RPN1: variants seen among roughly 807,000 people sequenced by gnomAD.
RPN1 encodes dolichyl-diphosphooligosaccharide--protein glycosyltransferase subunit 1.
A neutral mutation model predicts 55.5 loss-of-function variants in RPN1; 12 were observed. That is an observed-to-expected ratio of 0.22 (90% CI 0.14 to 0.35). The LOEUF is 0.35. RPN1 is among the 10% of genes least tolerant of loss of function. The probability of loss-of-function intolerance (pLI) is 1.00; values close to 1 mark genes in which losing one functional copy is unlikely to be tolerated. For missense variants in RPN1, 679 were observed against 761.3 expected (o/e 0.89, Z 1.27); for synonymous variants, 317 against 305.9 (o/e 1.04, Z -0.38).
rs554298612 is a variant in RPN1, at chr3:128,620,010, C to G, written c.*401G>C. On this transcript the variant is annotated 3_prime_UTR_variant, in exon 10 of 10. Coordinates refer to ENST00000296255, the MANE Select transcript of RPN1 (RefSeq NM_002950.4). ...TGCTTTATTTCCATTTGTTCACACA[C>G]GCTTTAAAAAAAAAAAAAAAAACAC... is the stretch of plus-strand genomic sequence containing the variant. 8 of 208,324 alleles carry G rather than the reference C, an allele frequency of 3.8e-5. No homozygotes were observed. The highest frequency in any genetic ancestry group is 3.9e-4 in the South Asian group (2 of 5,116). 12.9% of individuals were successfully genotyped at this position (208,324 alleles called of 1,614,324 possible). A position where few individuals can be genotyped will look rare whatever the true frequency, so the allele number is the denominator to read the frequency against.
intron 6 of RPN1, among the ~76,000 whole-genome samples, chr3:128,626,397 G>A (rs1247924972): frequency 6.6e-6 from 1 of 152,180 alleles, no homozygotes; most frequent in Non-Finnish European, 1.5e-5. Context: ...CTCTTCACAT[G>A]AATAAGAGCT....
chr3:128,641,143 A>T (rs1295753239), intron 2 of RPN1: 1 of 151,744 alleles, frequency 6.6e-6, no homozygotes. Context: ...ATCTAATGGG[A>T]GAACATTGTG....
Position 128,643,159 on chromosome 3 carries a change from T to G in RPN1, c.326+1760A>C, listed in dbSNP as rs567189418. ...CTGGCCAATATGGAGAAATCCCATCTCTACTAAAAATACAAAAAGTAGCCA... is the reference window on the plus strand; with the variant it reads ...CTGGCCAATATGGAGAAATCCCATCGCTACTAAAAATACAAAAAGTAGCCA... On this transcript the variant is annotated intron_variant, in intron 2 of 9. Coordinates refer to ENST00000296255, the MANE Select transcript of RPN1 (RefSeq NM_002950.4). Among the ~76,000 whole-genome samples, 12 of 148,236 alleles carry G rather than the reference T, an allele frequency of 8.1e-5. No homozygotes were observed. In the East Asian group the frequency reaches 2.5e-3, roughly 31 times the overall value.
At chr3:128,626,677 C>A (rs1234877107) in intron 6 of RPN1, 56 bp downstream of exon 6, 29 of 1,499,698 alleles carry the variant, frequency 1.9e-5, no homozygotes, top group Admixed American at 8.4e-5. Flanking sequence ...CCTTAGGGTA[C>A]CACAAGGGTA....
chr3:128,635,378 G>A (rs558013118), intron 3 of RPN1, among the ~76,000 whole-genome samples: 57 of 151,210 alleles, frequency 3.8e-4, no homozygotes, highest in African/African-American at 1.1e-3. Flanking sequence ...CTTGGCTACC[G>A]CAACCCCTAC....
chr3:128,640,362 A>G (rs1433642983), intron 2 of RPN1, among the ~76,000 whole-genome samples: 2 of 152,162 alleles, frequency 1.3e-5, no homozygotes, highest in Non-Finnish European at 2.9e-5. Flanking sequence ...ACTCTTCCTG[A>G]TATGACTTTA....
chr3:128,648,159 C>T (rs531883917), intron 1 of RPN1, among the ~76,000 whole-genome samples: 3 of 152,078 alleles, frequency 2.0e-5, no homozygotes, highest in Admixed American at 6.6e-5. Context: ...TTTGGGAGGC[C>T]GAGGTGGGCG....
chr3:128,627,692 A>AC (rs1470844177), intron 5 of RPN1, among the ~76,000 whole-genome samples: 3 of 148,678 alleles, frequency 2.0e-5, no homozygotes, highest in Non-Finnish European at 4.4e-5. Context: ...AATCACTGGA[A>AC]CCCAGGAGGT....
intron 3 of RPN1, among the ~76,000 whole-genome samples, chr3:128,635,690 T>TATATAC (rs376139334): frequency 2.9e-4 from 40 of 138,270 alleles, no homozygotes; most frequent in African/African-American, 1.1e-3. Context: ...TCTATAGATA[T>TATATAC]ACACACACAC....
At chr3:128,640,044 C>T (rs2069713518) in intron 2 of RPN1, among the ~76,000 whole-genome samples, 1 of 151,996 alleles carries the variant, frequency 6.6e-6, no homozygotes, top group Non-Finnish European at 1.5e-5. Context: ...TGGTGGCAGG[C>T]GCCTGTAGTC....
chr3:128,649,935 T>C (rs2069802996), intron 1 of RPN1, among the ~76,000 whole-genome samples: 1 of 152,222 alleles, frequency 6.6e-6, no homozygotes, highest in Admixed American at 6.5e-5. Flanking sequence ...TTCATAGGGA[T>C]TTCAAGTGAT....
At position 128,625,859 on chromosome 3, in the gene RPN1, A is replaced by T. The variant is rs889940012; in HGVS notation, c.1275+15T>A. 6.2e-7 allele frequency: 1 copy of T among 1,602,748 alleles called. No homozygotes were observed. Among genetic ancestry groups the T allele is most frequent in the African/African-American group, 1.3e-5 (1 of 74,670 alleles). On this transcript the variant is annotated intron_variant, in intron 7 of 9. Transcript: ENST00000296255. ...GGGGAAGACGCCATGGAAGGCAAACAGTGGAGCCACTCACCACAATGTCCT... is the reference window on the plus strand; with the variant it reads ...GGGGAAGACGCCATGGAAGGCAAACTGTGGAGCCACTCACCACAATGTCCT...
In RPN1 at chr3:128,625,866, C is replaced by T. The variant is rs1426257336; in HGVS notation, c.1275+8G>A. 6.2e-7 allele frequency: 1 copy of T among 1,605,042 alleles called. No individual in the cohort carries two copies. Among genetic ancestry groups the T allele is most frequent in the Non-Finnish European group, 8.5e-7 (1 of 1,175,954 alleles). On this transcript the variant is annotated splice_region_variant and intron_variant, in intron 7 of 9. Transcript: ENST00000296255. ...ACGCCATGGAAGGCAAACAGTGGAGCCACTCACCACAATGTCCTGAATGTG... is the reference window on the plus strand; with the variant it reads ...ACGCCATGGAAGGCAAACAGTGGAGTCACTCACCACAATGTCCTGAATGTG...
chr3:128,647,851 G>A (rs1204644729), intron 1 of RPN1, among the ~76,000 whole-genome samples: 2 of 151,900 alleles, frequency 1.3e-5, no homozygotes, highest in African/African-American at 4.8e-5. Flanking sequence ...CAAAAGAGAG[G>A]AAAAATCATT....
In RPN1 at chr3:128,631,198, G is replaced by A. The variant is rs184383893; in HGVS notation, c.843+750C>T. Among the ~76,000 whole-genome samples the A allele has an allele frequency of 1.5e-3, 232 of 152,140 alleles. 1 individual carries two copies. The East Asian group carries it at 0.022, about 15-fold the overall frequency. On this transcript the variant is annotated intron_variant, in intron 4 of 9. Coordinates refer to ENST00000296255, the MANE Select transcript of RPN1 (RefSeq NM_002950.4). ...CACTTTGAGAGGCCAAGGCGGCCGG[G>A]CGCGGTGGCTCATGCCTGTAATCCC... is the stretch of plus-strand genomic sequence containing the variant.
rs879221646 is a variant in RPN1 at position 128,620,213 on chromosome 3, TAAAAA to T, written c.*193_*197del. 10 of 332,548 alleles carry T rather than the reference TAAAAA, an allele frequency of 3.0e-5. No individual in the cohort carries two copies. The highest frequency in any genetic ancestry group is 2.2e-4 in the East Asian group (5 of 22,286). 20.6% of individuals were successfully genotyped at this position (332,548 alleles called of 1,614,324 possible). On this transcript the variant is annotated 3_prime_UTR_variant, in exon 10 of 10. Transcript: ENST00000296255. ...GAGTTTTTTTAAAGTTTTCTTTTTT[TAAAAA>T]AAAAAAAAAAGAAAGTTAAGGACAA...
chr3:128,619,975 TCA>T lies in RPN1; in HGVS notation c.*434_*435del. 1 of 209,626 alleles carries T rather than the reference TCA, an allele frequency of 4.8e-6. No individual in the cohort carries two copies. The highest frequency in any genetic ancestry group is 9.6e-6 in the Non-Finnish European group (1 of 103,728). The allele number at this position is 209,626 out of a possible 1,614,324, so 13.0% of individuals were successfully genotyped here. A position where few individuals can be genotyped will look rare whatever the true frequency, so the allele number is the denominator to read the frequency against. ...TCTTCAACAGACCAAAAACAAATGTTCACAGTCCCTGCTTTATTTCCATTTGT... is the reference window on the plus strand; with the variant it reads ...TCTTCAACAGACCAAAAACAAATGTTCAGTCCCTGCTTTATTTCCATTTGT... On this transcript the variant is annotated 3_prime_UTR_variant, in exon 10 of 10. Coordinates refer to ENST00000296255, the MANE Select transcript of RPN1 (RefSeq NM_002950.4).
rs1383369794 is a variant in RPN1 at position 128,631,231 on chromosome 3, T to C, written c.843+717A>G. Among the ~76,000 whole-genome samples, 3 of 151,930 alleles carry C rather than the reference T, an allele frequency of 2.0e-5. No homozygotes were observed. In the East Asian group the frequency reaches 5.8e-4, roughly 29 times the overall value. On this transcript the variant is annotated intron_variant, in intron 4 of 9. Coordinates refer to ENST00000296255, the MANE Select transcript of RPN1 (RefSeq NM_002950.4). ...GCTCATGCCTGTAATCCCAGCACTT[T>C]GGGAGGCCGAAGTGGGCGGATCACC...
intron 8 of RPN1, among the ~76,000 whole-genome samples, chr3:128,623,550 A>T (rs147946105): frequency 6.6e-6 from 1 of 151,418 alleles, no homozygotes; most frequent in Non-Finnish European, 1.5e-5. Context: ...GAAAAAAAAC[A>T]TTTTTTTAAT....
Sources: gnomAD v4.1 joint callset for allele counts (sites outside exome capture counted in the v4.1 genomes callset) on GRCh38, gnomAD v4.1.1 for gene constraint, MANE v1.5 for transcripts, NCBI Gene and HGNC (gene_info 2026-07-23, HGNC 2026-07-21) for gene names.